SHC3: variants seen among roughly 807,000 people sequenced by gnomAD.
SHC3 encodes the protein SHC adaptor protein 3.
SHC3 carries 15 observed loss-of-function variants against 60.4 expected under a neutral mutation model. The ratio of observed to expected loss-of-function variants is 0.25; its 90% confidence interval spans 0.17 to 0.38. SHC3 has a LOEUF of 0.38. Among genes scored for constraint, SHC3 ranks in the 10% least tolerant of loss-of-function variants. The pLI, the probability that SHC3 is intolerant of heterozygous loss-of-function variation, is 1.00. For missense variants in SHC3, 677 were observed against 786.1 expected (o/e 0.86, Z 1.66); for synonymous variants, 294 against 325.9 (o/e 0.90, Z 1.05).
rs117530952 is a variant in SHC3, at chr9:89,126,561, G to A, written c.475-13935C>T. Among the ~76,000 whole-genome samples, 473 of 152,270 alleles carry A rather than the reference G, an allele frequency of 3.1e-3. 1 individual carries two copies. The highest frequency in any genetic ancestry group is 4.8e-3 in the Non-Finnish European group (324 of 68,018). On this transcript the variant is annotated intron_variant, in intron 1 of 11. Coordinates refer to ENST00000375835, the MANE Select transcript of SHC3 (RefSeq NM_016848.6). ...TGGAACTGCTGGAAAAGATCTCTTC[G>A]CTATGGACAAGTTGCCTCCTGAACT...
At chr9:89,132,032 C>T (rs1826253871) in intron 1 of SHC3, among the ~76,000 whole-genome samples, 1 of 152,174 alleles carries the variant, frequency 6.6e-6, no homozygotes, top group African/African-American at 2.4e-5. Context: ...CCCAAAATCT[C>T]CTTAAGCTGA....
intron 2 of SHC3, among the ~76,000 whole-genome samples, chr9:89,108,103 C>T (rs913853579): frequency 6.6e-6 from 1 of 152,142 alleles, no homozygotes; most frequent in African/African-American, 2.4e-5. Context: ...AGGTTTGTAG[C>T]CTAGGAGCAA....
intron 6 of SHC3, among the ~76,000 whole-genome samples, chr9:89,058,051 T>C (rs916538577): frequency 1.3e-5 from 2 of 152,258 alleles, no homozygotes; most frequent in African/African-American, 4.8e-5. Flanking sequence ...CCCTAGAGCA[T>C]GGCTCTGCTG....
chr9:89,177,962 C>A, intron 1 of SHC3, 25 bp downstream of exon 1: 1 of 1,210,610 alleles, frequency 8.3e-7, no homozygotes, highest in Admixed American at 4.4e-5. Context: ...CCCCAGCCCC[C>A]AGGGCGGCCC....
chr9:89,068,017 T>C (rs1825211059), intron 5 of SHC3, among the ~76,000 whole-genome samples: 1 of 152,208 alleles, frequency 6.6e-6, no homozygotes, highest in Admixed American at 6.5e-5. Context: ...AGAGACATAA[T>C]ATGTCCCTGT....
chr9:89,083,114 C>T (rs940472551), intron 2 of SHC3, among the ~76,000 whole-genome samples: 35 of 152,294 alleles, frequency 2.3e-4, no homozygotes, highest in African/African-American at 8.2e-4. Context: ...ACACCAAACC[C>T]ATCACCACCC....
Position 89,090,701 on chromosome 9 carries a change from G to C in SHC3, c.546-12798C>G, listed in dbSNP as rs147224536. On this transcript the variant is annotated intron_variant, in intron 2 of 11. Transcript: ENST00000375835. Reference sequence around the variant, plus strand: ...ACCAGGGTGCAGCCACAGAGAAAGGGGAGTGAGTGGCCTGCAGAAGGACCC... The same window carrying C: ...ACCAGGGTGCAGCCACAGAGAAAGGCGAGTGAGTGGCCTGCAGAAGGACCC... Among the ~76,000 whole-genome samples, 68 of 152,286 alleles carry C rather than the reference G, an allele frequency of 4.5e-4. No homozygotes were observed. The East Asian group carries it at 0.012, about 28-fold the overall frequency.
chr9:89,037,235 G>C (rs1824597224), intron 11 of SHC3: 2 of 437,896 alleles, frequency 4.6e-6, no homozygotes, highest in African/African-American at 4.1e-5. Flanking sequence ...CTGAGACAAA[G>C]GCTTCATCCC....
intron 1 of SHC3, among the ~76,000 whole-genome samples, chr9:89,141,188 C>T (rs147927290): frequency 7.9e-5 from 12 of 152,278 alleles, no homozygotes; most frequent in African/African-American, 2.9e-4. Flanking sequence ...AGTTGGGATG[C>T]CATTGTAATG....
intron 5 of SHC3, among the ~76,000 whole-genome samples, chr9:89,068,930 A>G (rs571757337): frequency 5.9e-5 from 9 of 152,342 alleles, no homozygotes; most frequent in Middle Eastern, 3.4e-3. Flanking sequence ...TATGGTTCCA[A>G]ACATCACAAG....
intron 1 of SHC3, 68 bp downstream of exon 1, chr9:89,177,919 A>G (rs1315584271): frequency 6.1e-6 from 7 of 1,144,496 alleles, no homozygotes; most frequent in Non-Finnish European, 7.5e-6. Context: ...GCTTCAGGGA[A>G]TGAAGGAGTC....
intron 4 of SHC3, among the ~76,000 whole-genome samples, chr9:89,073,832 C>G (rs1185449799): frequency 6.6e-6 from 1 of 152,190 alleles, no homozygotes; most frequent in Non-Finnish European, 1.5e-5. Context: ...AGAAAAGGAA[C>G]AGCTCCGGGC....
intron 2 of SHC3, among the ~76,000 whole-genome samples, chr9:89,089,752 A>C (rs1012738860): frequency 6.6e-6 from 1 of 152,190 alleles, no homozygotes; most frequent in African/African-American, 2.4e-5. Context: ...TCTTGGGGGC[A>C]TGAGGATGGG....
At chr9:89,063,564 G>T (rs1825127206) in intron 6 of SHC3, among the ~76,000 whole-genome samples, 1 of 152,174 alleles carries the variant, frequency 6.6e-6, no homozygotes, top group Non-Finnish European at 1.5e-5. Context: ...GGATGAAGGG[G>T]CCACTTGGAG....
chr9:89,095,803 A>G (rs1339125189), intron 2 of SHC3, among the ~76,000 whole-genome samples: 1 of 152,096 alleles, frequency 6.6e-6, no homozygotes, highest in Non-Finnish European at 1.5e-5. Context: ...CTTCATTCTG[A>G]GCAAAATTAG....
At chr9:89,149,043 C>T (rs983367858) in intron 1 of SHC3, among the ~76,000 whole-genome samples, 2 of 152,136 alleles carry the variant, frequency 1.3e-5, no homozygotes, top group Non-Finnish European at 2.9e-5. Flanking sequence ...TCTGTTTACT[C>T]GCCTGAAGAA....
chr9:89,041,947 A>C, intron 10 of SHC3, 79 bp downstream of exon 10: 1 of 1,554,522 alleles, frequency 6.4e-7, no homozygotes, highest in Non-Finnish European at 8.7e-7. Context: ...AAATTCAGTA[A>C]TTACACAGAT....
chr9:89,122,774 A>T (rs2118144720), intron 1 of SHC3, among the ~76,000 whole-genome samples: 1 of 152,304 alleles, frequency 6.6e-6, no homozygotes, highest in South Asian at 2.1e-4. Context: ...TGGATGGAGC[A>T]GGTGCTGCTA....
At chr9:89,107,499 T>C (rs760646491) in intron 2 of SHC3, among the ~76,000 whole-genome samples, 18 of 152,208 alleles carry the variant, frequency 1.2e-4, no homozygotes, top group Non-Finnish European at 2.1e-4. Flanking sequence ...GCCTACTTTA[T>C]TCCAAAGGCG....
Sources: allele counts gnomAD v4.1 joint callset (sites outside exome capture counted in the v4.1 genomes callset), GRCh38; gene constraint gnomAD v4.1.1; transcripts MANE v1.5; gene names NCBI Gene and HGNC (gene_info 2026-07-23, HGNC 2026-07-21).